MYO5C: variants seen among roughly 807,000 people sequenced by gnomAD.
MYO5C encodes unconventional myosin-Vc.
Under a neutral mutation model 235.7 loss-of-function variants are expected in MYO5C, and 194 were observed. That is an observed-to-expected ratio of 0.82 (90% CI 0.73 to 0.93). The LOEUF (loss-of-function observed/expected upper bound fraction) is 0.93. Ranked by LOEUF, MYO5C falls within the 40% of genes least tolerant of loss-of-function variation. The pLI is 0.00. For missense variants in MYO5C, 2,038 were observed against 2,127.2 expected (o/e 0.96, Z 0.82); for synonymous variants, 707 against 754.8 (o/e 0.94, Z 1.04).
chr15:52,264,107 TA>T, intron 9 of MYO5C, 82 bp downstream of exon 9: 2 of 1,079,608 alleles, frequency 1.9e-6, no homozygotes, highest in Non-Finnish European at 2.7e-6. Context: ...TATCTGGTGC[TA>T]AAAAGCAAAG....
Position 52,261,116 on chromosome 15 carries a change from A to G in MYO5C, c.1059T>C (p.Ser353=). The change falls in exon 10 of 41, where the codon AGT becomes AGC. Residue 353 remains serine (S), a synonymous_variant. Transcript: ENST00000261839. Reference sequence around the variant, plus strand: ...GGAGCTCACAGAACACCTTCAGGTGACTGTCATCCTCCTTCAAAAACAAGC... The same window carrying G: ...GGAGCTCACAGAACACCTTCAGGTGGCTGTCATCCTCCTTCAAAAACAAGC... The part of the protein sequence containing the change: ...NERSSVSEDD[S]HLKVFCELLG... 6.2e-7 allele frequency: 1 copy of G among 1,613,758 alleles called. No individual in the cohort carries two copies. The highest frequency in any genetic ancestry group is 8.5e-7 in the Non-Finnish European group (1 of 1,179,746).
intron 13 of MYO5C, 109 bp downstream of exon 13, chr15:52,251,281 A>G (rs2036466967): frequency 5.6e-6 from 6 of 1,074,502 alleles, no homozygotes; most frequent in African/African-American, 1.6e-5. Flanking sequence ...TCAAAGCTAC[A>G]TGTTAAGTAT....
rs115048770 is a variant in MYO5C, at chr15:52,250,105, G to A, written c.1662+1285C>T. Among the ~76,000 whole-genome samples, 566 of 152,060 alleles carry A rather than the reference G, an allele frequency of 3.7e-3. 4 individuals are homozygous for A. The highest frequency in any genetic ancestry group is 0.013 in the African/African-American group (553 of 41,464). On this transcript the variant is annotated intron_variant, in intron 13 of 40. Coordinates refer to ENST00000261839, the MANE Select transcript of MYO5C (RefSeq NM_018728.4). ...GGTCTTTCCCCCTCCCTTTTCCTATGGGACCAGAACCCTGAAATTATGACA... is the reference window on the plus strand; with the variant it reads ...GGTCTTTCCCCCTCCCTTTTCCTATAGGACCAGAACCCTGAAATTATGACA...
At chr15:52,253,703 A>G (rs1446229386) in intron 11 of MYO5C, among the ~76,000 whole-genome samples, 1 of 152,232 alleles carries the variant, frequency 6.6e-6, no homozygotes, top group Non-Finnish European at 1.5e-5. Flanking sequence ...GGCTTGGGCC[A>G]GCCTGTGTCA....
chr15:52,246,130 G>T, intron 16 of MYO5C, 88 bp from the exon 17 acceptor site: 1 of 1,002,138 alleles, frequency 1.0e-6, no homozygotes, highest in Non-Finnish European at 1.6e-6. Flanking sequence ...GCTAGACTGT[G>T]ACCCTATGCC....
intron 1 of MYO5C, among the ~76,000 whole-genome samples, chr15:52,288,627 A>T (rs147465318): frequency 6.6e-6 from 1 of 152,328 alleles, no homozygotes; most frequent in East Asian, 1.9e-4. Flanking sequence ...CAATGCTTCA[A>T]ACTGGAGGAA....
intron 1 of MYO5C, among the ~76,000 whole-genome samples, chr15:52,291,739 T>TTTTTTTTGTTTTG (rs1555422086): frequency 1.3e-5 from 1 of 75,626 alleles, no homozygotes; most frequent in African/African-American, 5.0e-5. Context: ...ATGTTTTTTT[T>TTTTTTTTGTTTTG]TTTTTTTTTT....
intron 9 of MYO5C, among the ~76,000 whole-genome samples, chr15:52,262,717 C>A (rs1329062993): frequency 1.3e-5 from 2 of 152,232 alleles, no homozygotes; most frequent in Non-Finnish European, 2.9e-5. Flanking sequence ...ATGCTCCACT[C>A]AGCTCTGCTC....
chr15:52,264,207 C>CGCG lies in MYO5C; in HGVS notation c.1029_1030insCGC (p.Asn343_Glu344insArg), dbSNP rs1566985656. The CGCG allele has an allele frequency of 5.6e-6, 9 of 1,612,948 alleles. No individual in the cohort carries two copies. The highest frequency in any genetic ancestry group is 1.7e-5 in the Admixed American group (1 of 59,954). On this transcript the variant is annotated inframe_insertion, in exon 9 of 41. Transcript: ENST00000261839. ...CATCTCACACTAACTGAGGACCTCTCGTTGCCCACCGCGGTGATCTGCACA... is the reference window on the plus strand; with the variant it reads ...CATCTCACACTAACTGAGGACCTCTCGCGGTTGCCCACCGCGGTGATCTGCACA...
chr15:52,215,362 A>T (rs2035529310), intron 32 of MYO5C, among the ~76,000 whole-genome samples: 1 of 152,244 alleles, frequency 6.6e-6, no homozygotes, highest in Non-Finnish European at 1.5e-5. Context: ...GGATACCTAG[A>T]AATATTTCCT....
At chr15:52,232,771 C>A in intron 23 of MYO5C, 86 bp from the exon 24 acceptor site, 1 of 1,158,534 alleles carries the variant, frequency 8.6e-7, no homozygotes, top group South Asian at 1.2e-5. Context: ...GTGAGAATGT[C>A]AGGACAATCA....
Position 52,214,594 on chromosome 15 carries a change from G to A in MYO5C, c.4042+9C>T, listed in dbSNP as rs1454741662. On this transcript the variant is annotated intron_variant, in intron 33 of 40. Transcript: ENST00000261839. The stretch of plus-strand genomic sequence containing the variant: ...TCAAAAGAATAAGAAAACAAGTATT[G>A]TTTCTTACCTTTTCCAATTGTCTTG... 1 of 1,577,178 alleles carries A rather than the reference G, an allele frequency of 6.3e-7. No individual in the cohort carries two copies. Among genetic ancestry groups the A allele is most frequent in the African/African-American group, 1.4e-5 (1 of 73,624 alleles).
At chr15:52,204,428 T>C (rs2035255112) in intron 38 of MYO5C, among the ~76,000 whole-genome samples, 3 of 152,116 alleles carry the variant, frequency 2.0e-5, no homozygotes, top group Non-Finnish European at 4.4e-5. Flanking sequence ...ATACATTTCC[T>C]GCACCACTTG....
In MYO5C at chr15:52,256,679, A is replaced by G; in HGVS notation, c.1355T>C (p.Ile452Thr). ...FDVNSFEQFC[I>T]NYANEKLQQQ... ...TTGCAGTTTTTCATTAGCGTAATTG[A>G]TGCAAAATTGTTCAAAGCTGTTCAC... Residue 452 changes from isoleucine to threonine, a missense_variant, in exon 11 of 41, where the codon ATC (isoleucine) becomes ACC (threonine). By Grantham distance (89) the Ile-to-Thr change is moderately conservative (BLOSUM62 -1). Coordinates refer to ENST00000261839, the MANE Select transcript of MYO5C (RefSeq NM_018728.4). 1 of 1,612,174 alleles carries G rather than the reference A, an allele frequency of 6.2e-7. No individual in the cohort carries two copies. Among genetic ancestry groups the G allele is most frequent in the Non-Finnish European group, 8.5e-7 (1 of 1,179,240 alleles).
At chr15:52,294,386 A>C (rs932669674) in intron 1 of MYO5C, among the ~76,000 whole-genome samples, 6 of 152,256 alleles carry the variant, frequency 3.9e-5, no homozygotes, top group African/African-American at 1.4e-4. Flanking sequence ...GGCAATTCAA[A>C]CACTGTCCAT....
In MYO5C at chr15:52,245,442, C is replaced by A; in HGVS notation, c.2090G>T (p.Ser697Ile). ...CTTGGTCATGAGAATGCCGTAGCGA[C>A]TGTAGAACTCGATGTATGTCCACCT... ...PSRWTYIEFYSRYGILMTKQE... is the reference protein window; with the variant it reads ...PSRWTYIEFYIRYGILMTKQE... The change falls in exon 18 of 41, where the codon AGT (serine) becomes ATT (isoleucine). Residue 697 changes from serine (S) to isoleucine (I), a missense_variant. Ser to Ile is a moderately radical substitution (Grantham distance 142, BLOSUM62 -2). Transcript: ENST00000261839. 6.2e-7 allele frequency: 1 copy of A among 1,614,028 alleles called. No individual in the cohort carries two copies. Among genetic ancestry groups the A allele is most frequent in the African/African-American group, 1.3e-5 (1 of 75,030 alleles).
At chr15:52,286,453 AT>A (rs1413388377) in intron 1 of MYO5C, among the ~76,000 whole-genome samples, 1 of 152,174 alleles carries the variant, frequency 6.6e-6, no homozygotes, top group African/African-American at 2.4e-5. Context: ...CCAACAGCTC[AT>A]TGAGAACGGG....
At chr15:52,292,519 G>A (rs1466634602) in intron 1 of MYO5C, among the ~76,000 whole-genome samples, 1 of 152,190 alleles carries the variant, frequency 6.6e-6, no homozygotes, top group African/African-American at 2.4e-5. Context: ...TTAAATGAGA[G>A]GCGGCACATG....
Position 52,295,796 on chromosome 15 carries a change from G to T in MYO5C, c.-160C>A. ...AACGGCCTCCTGTTCCCGTTCCCGAGTTGGCGGCGAGGGGAGGGGGCAGCG... is the reference window on the plus strand; with the variant it reads ...AACGGCCTCCTGTTCCCGTTCCCGATTTGGCGGCGAGGGGAGGGGGCAGCG... On this transcript the variant is annotated 5_prime_UTR_variant, in exon 1 of 41. Coordinates refer to ENST00000261839, the MANE Select transcript of MYO5C (RefSeq NM_018728.4). 2.1e-6 allele frequency: 1 copy of T among 475,674 alleles called. No homozygotes were observed. Among genetic ancestry groups the T allele is most frequent in the Non-Finnish European group, 3.5e-6 (1 of 281,942 alleles). 29.5% of individuals were successfully genotyped at this position (475,674 alleles called of 1,614,324 possible).
Sources: gnomAD v4.1 joint callset for allele counts (sites outside exome capture counted in the v4.1 genomes callset) on GRCh38, gnomAD v4.1.1 for gene constraint, MANE v1.5 for transcripts, NCBI Gene and HGNC (gene_info 2026-07-23, HGNC 2026-07-21) for gene names.